SRRM4: variants seen among roughly 807,000 people sequenced by gnomAD.
SRRM4 encodes serine/arginine repetitive matrix protein 4.
In SRRM4, 33 loss-of-function variants were observed where a neutral mutation model predicts 68.9. The ratio of observed to expected loss-of-function variants is 0.48; its 90% confidence interval spans 0.36 to 0.64. The LOEUF is 0.64. SRRM4 is among the 30% of genes least tolerant of loss of function. The probability of loss-of-function intolerance (pLI) is 0.00; values close to 1 mark genes in which losing one functional copy is unlikely to be tolerated. For synonymous variants in SRRM4, 318 were observed against 318.8 expected, an observed-to-expected ratio of 1.00 and a Z score of 0.03; for missense variants, 817 against 827.1, an observed-to-expected ratio of 0.99 and a Z score of 0.15.
At chr12:119,034,775 A>C (rs1280531529) in intron 1 of SRRM4, among the ~76,000 whole-genome samples, 1 of 152,068 alleles carries the variant, frequency 6.6e-6, no homozygotes, top group East Asian at 1.9e-4. Flanking sequence ...GCTTGTGGAC[A>C]CTTTCGTCCC....
At chr12:119,151,651 T>A (rs977626985) in intron 10 of SRRM4, among the ~76,000 whole-genome samples, 3 of 152,138 alleles carry the variant, frequency 2.0e-5, no homozygotes, top group Non-Finnish European at 4.4e-5. Flanking sequence ...AGCTGGGTGG[T>A]TCTTCTGATC....
intron 1 of SRRM4, among the ~76,000 whole-genome samples, chr12:119,020,948 T>C (rs954013610): frequency 6.6e-6 from 1 of 152,106 alleles, no homozygotes; most frequent in Non-Finnish European, 1.5e-5. Flanking sequence ...GAGGGCGCTG[T>C]AGAGGCAGCG....
chr12:119,145,810 C>T, intron 9 of SRRM4, 125 bp downstream of exon 9: 1 of 890,934 alleles, frequency 1.1e-6, no homozygotes, highest in Non-Finnish European at 1.6e-6. Flanking sequence ...AGATGAAACT[C>T]AACTCAGACT....
intron 1 of SRRM4, among the ~76,000 whole-genome samples, chr12:119,016,842 C>G (rs7138083): frequency 0.89 from 135,279 of 152,316 alleles, 60,297 homozygotes; most frequent in Middle Eastern, 0.96. Context: ...AGACAAGGCA[C>G]GCTGACTCTG....
intron 1 of SRRM4, among the ~76,000 whole-genome samples, chr12:119,065,156 A>T (rs1325486882): frequency 6.6e-6 from 1 of 152,150 alleles, no homozygotes; most frequent in Non-Finnish European, 1.5e-5. Context: ...CCCAGCTAAT[A>T]AGGGGTAGGA....
chr12:119,096,276 G>A (rs1283494269), intron 1 of SRRM4, among the ~76,000 whole-genome samples: 3 of 149,138 alleles, frequency 2.0e-5, no homozygotes, highest in African/African-American at 5.0e-5. Context: ...CTCGTAATCC[G>A]CCCACCTCAG....
In SRRM4 at chr12:119,035,522, A is replaced by C. The variant is rs60280665; in HGVS notation, c.131+53509A>C. On this transcript the variant is annotated intron_variant, in intron 1 of 12. Coordinates refer to ENST00000267260, the MANE Select transcript of SRRM4 (RefSeq NM_194286.4). Reference sequence around the variant, plus strand: ...CTACAATTTTGGGTGTTGTGAATCCATGCTCTGTATCTTTTACTTTTCCTT... The same window carrying C: ...CTACAATTTTGGGTGTTGTGAATCCCTGCTCTGTATCTTTTACTTTTCCTT... Among the ~76,000 whole-genome samples the C allele has an allele frequency of 8.4e-3, 1,281 of 152,268 alleles. 17 individuals are homozygous for C. The highest frequency in any genetic ancestry group is 0.029 in the African/African-American group (1,216 of 41,546).
chr12:119,125,535 AC>A, intron 7 of SRRM4, 56 bp downstream of exon 7: 1 of 1,455,090 alleles, frequency 6.9e-7, no homozygotes, highest in Non-Finnish European at 9.6e-7. Flanking sequence ...CCAGGCTAAG[AC>A]ACTGTTAACA....
chr12:118,982,066 T>A, intron 1 of SRRM4, 53 bp downstream of exon 1: 1 of 1,557,584 alleles, frequency 6.4e-7, no homozygotes, highest in Non-Finnish European at 8.7e-7. Context: ...CTTTCTGGCC[T>A]GTGCCCCAGA....
intron 1 of SRRM4, among the ~76,000 whole-genome samples, chr12:119,058,571 C>T (rs1297400882): frequency 2.0e-5 from 3 of 152,308 alleles, no homozygotes; most frequent in African/African-American, 2.4e-5. Context: ...TCACCTTGCT[C>T]TTCCTATAGC....
At chr12:119,126,210 G>A (rs1175628804) in intron 7 of SRRM4, among the ~76,000 whole-genome samples, 1 of 151,596 alleles carries the variant, frequency 6.6e-6, no homozygotes, top group Non-Finnish European at 1.5e-5. Context: ...CTGTAGTAGA[G>A]ACAGGGTTTC....
intron 8 of SRRM4, among the ~76,000 whole-genome samples, chr12:119,133,367 G>T (rs1954309394): frequency 6.6e-6 from 1 of 152,210 alleles, no homozygotes; most frequent in Admixed American, 6.5e-5. Context: ...AGTAGTAGCA[G>T]TGGTAATAGC....
At chr12:118,986,261 G>A (rs545230242) in intron 1 of SRRM4, among the ~76,000 whole-genome samples, 15 of 152,300 alleles carry the variant, frequency 9.8e-5, no homozygotes, top group African/African-American at 2.9e-4. Context: ...GAGCCAATGC[G>A]CTGAGGGTCA....
At position 118,981,631 on chromosome 12, in the gene SRRM4, C is replaced by A. The variant is rs1953247442; in HGVS notation, c.-252C>A. The A allele has an allele frequency of 2.2e-6, 1 of 452,326 alleles. No homozygotes were observed. The highest frequency in any genetic ancestry group is 3.9e-5 in the Admixed American group (1 of 25,576). 28.0% of individuals were successfully genotyped at this position (452,326 alleles called of 1,614,324 possible). On this transcript the variant is annotated 5_prime_UTR_variant, in exon 1 of 13. Transcript: ENST00000267260. ...CCCTTCCCTTCTTGGGGCGCAGAGG[C>A]TCAGCCAGCTCAGAGCGCAGCCTGG...
intron 1 of SRRM4, among the ~76,000 whole-genome samples, chr12:119,085,063 G>A (rs745745854): frequency 4.6e-5 from 7 of 152,042 alleles, no homozygotes; most frequent in Non-Finnish European, 8.8e-5. Context: ...ACCACGCTGG[G>A]CTAATTTTTG....
At position 119,096,992 on chromosome 12, in the gene SRRM4, T is replaced by G. The variant is rs568321082; in HGVS notation, c.132-5244T>G. ...AGCATCTAAGCTCCAGGTCTCTGAT[T>G]AGCAGGAACAGAGCCGCCGGGAGGC... On this transcript the variant is annotated intron_variant, in intron 1 of 12. Transcript: ENST00000267260. 2.0e-5 allele frequency among the ~76,000 whole-genome samples: 3 copies of G among 152,288 alleles called. No homozygotes were observed. In the East Asian group the frequency reaches 5.8e-4, roughly 29 times the overall value.
intron 1 of SRRM4, among the ~76,000 whole-genome samples, chr12:119,026,444 A>G (rs1953548803): frequency 6.6e-6 from 1 of 152,082 alleles, no homozygotes; most frequent in South Asian, 2.1e-4. Context: ...GGCCACATCT[A>G]TAAGTGTCAC....
chr12:119,042,049 C>G (rs375809151), intron 1 of SRRM4, among the ~76,000 whole-genome samples: 1 of 152,190 alleles, frequency 6.6e-6, no homozygotes, highest in Admixed American at 6.5e-5. Flanking sequence ...TTGGAAATCA[C>G]TCAGTCCAAT....
At chr12:118,990,662 C>T (rs1953310909) in intron 1 of SRRM4, among the ~76,000 whole-genome samples, 1 of 152,222 alleles carries the variant, frequency 6.6e-6, no homozygotes, top group Non-Finnish European at 1.5e-5. Flanking sequence ...AATCCCATCT[C>T]ATACCACTTG....
Sources: allele counts gnomAD v4.1 joint callset (sites outside exome capture counted in the v4.1 genomes callset), GRCh38; gene constraint gnomAD v4.1.1; transcripts MANE v1.5; gene names NCBI Gene and HGNC (gene_info 2026-07-23, HGNC 2026-07-21).